The following RSPRY1 variants were observed in gnomAD, a reference collection of about 807,000 sequenced individuals.
The protein encoded by RSPRY1 is ring finger and SPRY domain containing 1, also known as RING finger and SPRY domain-containing protein 1.
RSPRY1 carries 23 observed loss-of-function variants against 73.1 expected under a neutral mutation model. The observed-to-expected ratio is 0.31, with a 90% CI of 0.23 to 0.45. The LOEUF (loss-of-function observed/expected upper bound fraction) is 0.45, where lower values mean the gene tolerates loss of function less well. RSPRY1 is among the 20% of genes least tolerant of loss of function. RSPRY1 has a pLI of 1.00. For synonymous variants in RSPRY1, 226 were observed against 251.4 expected (o/e 0.90, Z 0.95); for missense variants, 448 against 698.7 (o/e 0.64, Z 4.05).
intron 14 of RSPRY1, among the ~76,000 whole-genome samples, chr16:57,237,756 G>T (rs1008989821): frequency 6.6e-6 from 1 of 151,650 alleles, no homozygotes; most frequent in Non-Finnish European, 1.5e-5. Context: ...CTGTCACCCA[G>T]GCTTGAGTGC....
chr16:57,235,934 T>G (rs1332267081), intron 14 of RSPRY1, among the ~76,000 whole-genome samples: 1 of 152,236 alleles, frequency 6.6e-6, no homozygotes, highest in African/African-American at 2.4e-5. Flanking sequence ...CCCCTGACTC[T>G]GCCTCTCTAC....
intron 6 of RSPRY1, 136 bp from the exon 7 acceptor site, chr16:57,215,971 C>T (rs2074931322): frequency 1.5e-6 from 1 of 648,202 alleles, no homozygotes; most frequent in Admixed American, 2.8e-5. Context: ...TAATTGAGAA[C>T]TTGAATGAAT....
intron 10 of RSPRY1, among the ~76,000 whole-genome samples, chr16:57,224,707 TCTC>T (rs1312971987): frequency 5.9e-5 from 9 of 152,204 alleles, no homozygotes; most frequent in South Asian, 2.1e-4. Context: ...AGAGGCATCT[TCTC>T]CTTAAATCTG....
At chr16:57,207,468 C>G (rs2074747827) in intron 2 of RSPRY1, 1 of 365,968 alleles carries the variant, frequency 2.7e-6, no homozygotes, top group East Asian at 7.4e-5. Flanking sequence ...TGGGATCACA[C>G]CACTGAATTA....
intron 13 of RSPRY1, among the ~76,000 whole-genome samples, chr16:57,233,016 C>G (rs777055993): frequency 3.3e-5 from 5 of 152,192 alleles, no homozygotes; most frequent in Admixed American, 1.3e-4. Context: ...TAAGTATGAA[C>G]TTACTTGAGA....
intron 4 of RSPRY1, among the ~76,000 whole-genome samples, chr16:57,212,187 G>A (rs11861071): frequency 1.3e-5 from 2 of 151,918 alleles, no homozygotes; most frequent in South Asian, 2.1e-4. Context: ...GACATGTGCC[G>A]GTAGTCCCAG....
chr16:57,218,560 C>A lies in RSPRY1; in HGVS notation c.901+1525C>A, dbSNP rs143686423. Among the ~76,000 whole-genome samples, 393 of 151,980 alleles carry A rather than the reference C, an allele frequency of 2.6e-3. 2 individuals are homozygous for A. Among genetic ancestry groups the A allele is most frequent in the African/African-American group, 8.8e-3 (364 of 41,466 alleles). On this transcript the variant is annotated intron_variant, in intron 8 of 14. Coordinates refer to ENST00000394420, the MANE Select transcript of RSPRY1 (RefSeq NM_133368.3). ...TCATGAGTTCAGTTGTTTTTAGCTC[C>A]CACAAAAATTAGTGAGAACACACGA...
intron 13 of RSPRY1, among the ~76,000 whole-genome samples, chr16:57,233,589 C>CT (rs2075258585): frequency 6.6e-6 from 1 of 152,084 alleles, no homozygotes; most frequent in African/African-American, 2.4e-5. Flanking sequence ...AGGCTGGTCT[C>CT]GAACTCTTGG....
At chr16:57,199,895 G>GTTTTTTTTTTCTTTTTTTTTTTTTTTT (rs2074530206) in intron 1 of RSPRY1, among the ~76,000 whole-genome samples, 9 of 106,252 alleles carry the variant, frequency 8.5e-5, no homozygotes, top group East Asian at 2.6e-4. Flanking sequence ...TTTTTTGTTT[G>GTTTTTTTTTTCTTTTTTTTTTTTTTTT]TTTTTTTTTT....
chr16:57,211,159 T>G, intron 4 of RSPRY1, among the ~76,000 whole-genome samples: 1 of 151,994 alleles, frequency 6.6e-6, no homozygotes, highest in East Asian at 1.9e-4. Flanking sequence ...CTGAATGTAC[T>G]GGCTCATGCC....
chr16:57,212,169 G>C (rs1004355387), intron 4 of RSPRY1, among the ~76,000 whole-genome samples: 4 of 152,046 alleles, frequency 2.6e-5, no homozygotes. Flanking sequence ...AAATTATCTG[G>C]GCACTGTGAC....
intron 4 of RSPRY1, 65 bp downstream of exon 4, chr16:57,209,252 A>C: frequency 9.6e-7 from 1 of 1,043,992 alleles, no homozygotes; most frequent in Non-Finnish European, 1.5e-6. Flanking sequence ...AATGACCACA[A>C]AGAACATTTG....
chr16:57,212,406 A>C (rs1052991499), intron 4 of RSPRY1, among the ~76,000 whole-genome samples: 4 of 152,236 alleles, frequency 2.6e-5, no homozygotes, highest in African/African-American at 7.2e-5. Context: ...ATGTTTTCAT[A>C]ATGGCATCTG....
At chr16:57,223,759 G>A (rs1389761844) in intron 10 of RSPRY1, among the ~76,000 whole-genome samples, 3 of 152,178 alleles carry the variant, frequency 2.0e-5, no homozygotes, top group Admixed American at 2.0e-4. Flanking sequence ...GCGATAGAGT[G>A]AGACTCTGTC....
intron 1 of RSPRY1, among the ~76,000 whole-genome samples, chr16:57,187,739 T>C (rs185546909): frequency 6.6e-6 from 1 of 152,192 alleles, no homozygotes; most frequent in Admixed American, 6.5e-5. Flanking sequence ...AGCCATATTG[T>C]ACTGAAAGCT....
chr16:57,215,974 G>A (rs1258459670), intron 6 of RSPRY1, 133 bp from the exon 7 acceptor site: 1 of 654,788 alleles, frequency 1.5e-6, no homozygotes, highest in Non-Finnish European at 2.6e-6. Flanking sequence ...TTGAGAACTT[G>A]AATGAATGAA....
Position 57,221,433 on chromosome 16 carries a change from C to T in RSPRY1, c.1161+18C>T. The T allele has an allele frequency of 1.3e-6, 2 of 1,592,912 alleles. No homozygotes were observed. Among genetic ancestry groups the T allele is most frequent in the Non-Finnish European group, 1.7e-6 (2 of 1,169,728 alleles). ...TCAATCATGTGAGTACCCTAGAGAACTGTGAAAATGGGAGCAGTGGCAGTT... is the reference window on the plus strand; with the variant it reads ...TCAATCATGTGAGTACCCTAGAGAATTGTGAAAATGGGAGCAGTGGCAGTT... On this transcript the variant is annotated intron_variant, in intron 10 of 14. Transcript: ENST00000394420.
intron 4 of RSPRY1, among the ~76,000 whole-genome samples, chr16:57,212,616 G>A (rs1366856758): frequency 1.3e-5 from 2 of 151,950 alleles, no homozygotes; most frequent in Non-Finnish European, 2.9e-5. Flanking sequence ...CCTGGTTATA[G>A]CTCCCCCCAC....
chr16:57,208,234 A>G, intron 3 of RSPRY1, 124 bp downstream of exon 3: 1 of 586,820 alleles, frequency 1.7e-6, no homozygotes, highest in South Asian at 2.5e-5. Flanking sequence ...AGCATACATA[A>G]CAATGAAAAA....
Sources: allele counts gnomAD v4.1 joint callset (sites outside exome capture counted in the v4.1 genomes callset), GRCh38; gene constraint gnomAD v4.1.1; transcripts MANE v1.5; gene names NCBI Gene and HGNC (gene_info 2026-07-23, HGNC 2026-07-21).